NEAT1: variants seen among roughly 807,000 people sequenced by gnomAD.
NEAT1 encodes nuclear paraspeckle assembly transcript 1.
chr11:65,442,326 G>GC (rs1856721837), exon 1 of NEAT1: 1 of 141,676 alleles, frequency 7.1e-6, no homozygotes, highest in African/African-American at 2.6e-5. Flanking sequence ...GTAGTCCCCC[G>GC]CCCCCCGCCC....
At chr11:65,433,296 A>G (rs1856629300) in exon 1 of NEAT1, 8 of 152,180 alleles carry the variant, frequency 5.3e-5, no homozygotes, top group Admixed American at 5.2e-4. Flanking sequence ...GTTGTTGTTA[A>G]TAAAATGCAA....
exon 1 of NEAT1, chr11:65,424,021 C>A (rs1425913298): frequency 6.6e-6 from 1 of 152,338 alleles, no homozygotes; most frequent in Non-Finnish European, 1.5e-5. Flanking sequence ...CAGTGTGAGT[C>A]CTAGCATTGC....
At chr11:65,439,261 C>T (rs567573581) in exon 1 of NEAT1, 1 of 152,070 alleles carries the variant, frequency 6.6e-6, no homozygotes, top group South Asian at 2.1e-4. Flanking sequence ...TGTAAGAGTT[C>T]TTTATATATT....
At chr11:65,426,661 A>G (rs1856565263) in exon 1 of NEAT1, 1 of 152,144 alleles carries the variant, frequency 6.6e-6, no homozygotes, top group African/African-American at 2.4e-5. Context: ...CATGTAGGAG[A>G]GCATGGTAAC....
exon 1 of NEAT1, chr11:65,441,658 A>G (rs1856715892): frequency 6.6e-6 from 1 of 152,168 alleles, no homozygotes; most frequent in Admixed American, 6.5e-5. Flanking sequence ...CGTTTTTAAT[A>G]AGACTTTCAA....
chr11:65,441,067 A>G (rs1041368662), exon 1 of NEAT1: 4 of 152,022 alleles, frequency 2.6e-5, no homozygotes, highest in Non-Finnish European at 2.9e-5. Flanking sequence ...TCTTAAATTC[A>G]TGAAGCAAGT....
exon 1 of NEAT1, chr11:65,437,599 G>A (rs1299397984): frequency 6.6e-6 from 1 of 152,094 alleles, no homozygotes; most frequent in East Asian, 1.9e-4. Context: ...CAGGCTGCAT[G>A]TTTACCTTAA....
exon 1 of NEAT1, chr11:65,441,733 T>C (rs1702578267): frequency 6.6e-6 from 1 of 152,240 alleles, no homozygotes; most frequent in South Asian, 2.1e-4. Context: ...TCTGCTTTCA[T>C]TTTATAATTT....
exon 1 of NEAT1, chr11:65,439,649 G>C (rs1856696026): frequency 6.6e-6 from 1 of 151,338 alleles, no homozygotes; most frequent in African/African-American, 2.4e-5. Flanking sequence ...TCATGCCAGG[G>C]CAACAGAATG....
exon 1 of NEAT1, chr11:65,425,841 C>G (rs1194112697): frequency 6.6e-6 from 1 of 152,042 alleles, no homozygotes; most frequent in Admixed American, 6.6e-5. Flanking sequence ...TTTGTAACAA[C>G]CAAATAACCT....
At chr11:65,429,904 T>A (rs1460953406) in exon 1 of NEAT1, 1 of 152,220 alleles carries the variant, frequency 6.6e-6, no homozygotes. Flanking sequence ...CAGAGAGCCC[T>A]GTCCTGTGAG....
exon 1 of NEAT1, chr11:65,442,097 C>T (rs1032185742): frequency 6.6e-6 from 1 of 151,826 alleles, no homozygotes; most frequent in Non-Finnish European, 1.5e-5. Flanking sequence ...TAACAGTGGA[C>T]AGTTGTTGCC....
exon 1 of NEAT1, chr11:65,444,337 G>C (rs1242453516): frequency 3.7e-5 from 16 of 435,024 alleles, no homozygotes; most frequent in Admixed American, 5.9e-5. Flanking sequence ...GAGAGAAGTT[G>C]TGGAGAAATG....
At chr11:65,436,790 A>G (rs1387933679) in exon 1 of NEAT1, 10 of 152,178 alleles carry the variant, frequency 6.6e-5, no homozygotes, top group Non-Finnish European at 1.2e-4. Context: ...TTTTTACTGT[A>G]GATAAGGCTA....
At chr11:65,430,762 T>C (rs573885114) in exon 1 of NEAT1, 1 of 152,320 alleles carries the variant, frequency 6.6e-6, no homozygotes, top group South Asian at 2.1e-4. Flanking sequence ...TATAACTCTC[T>C]TCACAGACTC....
exon 1 of NEAT1, chr11:65,436,830 T>C (rs1329603479): frequency 1.3e-5 from 2 of 152,158 alleles, no homozygotes; most frequent in East Asian, 3.9e-4. Context: ...TGGGTTTTTA[T>C]GTACATGGGC....
exon 1 of NEAT1, chr11:65,436,616 A>G (rs1449927850): frequency 6.6e-6 from 1 of 152,182 alleles, no homozygotes; most frequent in Non-Finnish European, 1.5e-5. Context: ...GCGTGGGTAC[A>G]CCACACAGCC....
chr11:65,427,253 A>C (rs1450020282), exon 1 of NEAT1: 1 of 152,406 alleles, frequency 6.6e-6, no homozygotes, highest in Non-Finnish European at 1.5e-5. Flanking sequence ...TGGGCGTAGA[A>C]TGGAAGCCAC....
chr11:65,423,108 G>GC (rs1279325203), exon 1 of NEAT1: 1 of 152,716 alleles, frequency 6.5e-6, no homozygotes, highest in Admixed American at 6.5e-5. Context: ...AGCTGAGCGA[G>GC]CCCGGGTGCG....
Sources: gnomAD v4.1 joint callset for allele counts on GRCh38, gnomAD v4.1.1 for gene constraint, MANE v1.5 for transcripts, NCBI Gene and HGNC (gene_info 2026-07-23, HGNC 2026-07-21) for gene names.